The following RITA1 variants were observed in gnomAD, a reference collection of about 807,000 sequenced individuals.
RITA1 encodes RBPJ interacting and tubulin associated 1.
Under a neutral mutation model 8.7 loss-of-function variants are expected in RITA1, and 15 were observed. The ratio of observed to expected loss-of-function variants is 1.72; its 90% CI spans 1.15 to 2.65. The LOEUF is 2.65. Ranked by LOEUF, RITA1 falls within the 30% of genes most tolerant of loss-of-function variation. RITA1 has a pLI of 0.00. For missense variants in RITA1, 330 were observed against 363.8 expected (o/e 0.91, Z 0.76); for synonymous variants, 145 against 156.2 (o/e 0.93, Z 0.53).
chr12:113,191,349 G>C lies in RITA1; in HGVS notation c.342G>C (p.Leu114=), dbSNP rs1952598914. 6.4e-7 allele frequency: 1 copy of C among 1,571,746 alleles called. No individual in the cohort carries two copies. The highest frequency in any genetic ancestry group is 8.6e-7 in the Non-Finnish European group (1 of 1,157,592). The change falls in exon 4 of 4, where the codon CTG becomes CTC. Residue 114 remains leucine, a synonymous_variant. Coordinates refer to ENST00000548278, the MANE Select transcript of RITA1 (RefSeq NM_032848.3). This position sits in a 1 kb window ranked among gnomAD's most constrained non-coding sequence, Gnocchi z 4.0. ...SHTPSYCDES[L]FGSRSEGASF... is the part of the protein sequence containing the mutation. ...CCCCGTCTTACTGTGATGAGTCGCT[G>C]TTTGGCTCCCGATCTGAAGGCGCCA...
intron 2 of RITA1, 92 bp from the exon 3 acceptor site, chr12:113,186,591 T>C (rs753227387): frequency 2.8e-6 from 4 of 1,437,752 alleles, no homozygotes; most frequent in Non-Finnish European, 3.7e-6. Flanking sequence ...GAGAGAGAAC[T>C]AAACCCTTGG....
Position 113,188,893 on chromosome 12 carries a change from C to G in RITA1, c.302+1845C>G, listed in dbSNP as rs2136334640. 3.5e-5 allele frequency among the ~76,000 whole-genome samples: 5 copies of G among 141,900 alleles called. 1 individual carries two copies. The South Asian group carries it at 1.2e-3, about 33-fold the overall frequency. 93.1% of individuals were successfully genotyped at this position (141,900 alleles called of 152,430 possible). ...TGGCACCATCTCGGATCACTGCAGC[C>G]TCCACCTCCGGGTTCAAGGAATTCT... On this transcript the variant is annotated intron_variant, in intron 3 of 3. Coordinates refer to ENST00000548278, the MANE Select transcript of RITA1 (RefSeq NM_032848.3).
At position 113,191,861 on chromosome 12, in the gene RITA1, T is replaced by C. The variant is rs1211519808; in HGVS notation, c.*44T>C. 4 of 1,541,452 alleles carry C rather than the reference T, an allele frequency of 2.6e-6. No individual in the cohort carries two copies. The highest frequency in any genetic ancestry group is 3.5e-6 in the Non-Finnish European group (4 of 1,143,700). On this transcript the variant is annotated 3_prime_UTR_variant, in exon 4 of 4. Transcript: ENST00000548278. This position sits in a 1 kb window ranked among gnomAD's most constrained non-coding sequence, Gnocchi z 4.0. ...GCCTATGGGGCCACGGCGACAGGTATGGCCCCTTGCCAGGGTAGGAGGACA... is the reference window on the plus strand; with the variant it reads ...GCCTATGGGGCCACGGCGACAGGTACGGCCCCTTGCCAGGGTAGGAGGACA...
At chr12:113,190,896 C>T (rs1420440404) in intron 3 of RITA1, among the ~76,000 whole-genome samples, 1 of 152,198 alleles carries the variant, frequency 6.6e-6, no homozygotes, top group African/African-American at 2.4e-5. Flanking sequence ...ATCCTATCAG[C>T]TTAGCAAGAA....
In RITA1 at chr12:113,191,710, T is replaced by A; in HGVS notation, c.703T>A (p.Phe235Ile). The A allele has an allele frequency of 6.2e-7, 1 of 1,614,096 alleles. No homozygotes were observed. Among genetic ancestry groups the A allele is most frequent in the Non-Finnish European group, 8.5e-7 (1 of 1,180,018 alleles). ...CAGGCCTTCCACGTCAGGGGTGACCTTCCGGAGCCCCCTGGTGACTTCCAG... is the reference window on the plus strand; with the variant it reads ...CAGGCCTTCCACGTCAGGGGTGACCATCCGGAGCCCCCTGGTGACTTCCAG... ...DLRPSTSGVT[F>I]RSPLVTSRAR... Residue 235 changes from phenylalanine (F) to isoleucine (I), a missense_variant, in exon 4 of 4, where the codon TTC becomes ATC. Phe to Ile is a conservative substitution (Grantham distance 21). Coordinates refer to ENST00000548278, the MANE Select transcript of RITA1 (RefSeq NM_032848.3). The surrounding 1 kb of genome is among the most constrained non-coding windows in gnomAD (Gnocchi z 4.0).
In RITA1 at chr12:113,191,389, C is replaced by G; in HGVS notation, c.382C>G (p.Arg128Gly). 1 of 1,603,564 alleles carries G rather than the reference C, an allele frequency of 6.2e-7. No homozygotes were observed. The highest frequency in any genetic ancestry group is 8.5e-7 in the Non-Finnish European group (1 of 1,173,304). Reference sequence around the variant, plus strand: ...TGAAGGCGCCAGCTTCGGGGCCCCGCGGATGGCGAAGGGGGATGCCGCAAA... The same window carrying G: ...TGAAGGCGCCAGCTTCGGGGCCCCGGGGATGGCGAAGGGGGATGCCGCAAA... The part of the protein sequence containing the change: ...RSEGASFGAP[R>G]MAKGDAAKLR... The change falls in exon 4 of 4, where the codon CGG becomes GGG. Residue 128 changes from arginine (R) to glycine (G), a missense_variant. Physicochemically the swap from Arg to Gly is moderately radical, Grantham distance 125 (BLOSUM62 -2). Transcript: ENST00000548278. This position sits in a 1 kb window ranked among gnomAD's most constrained non-coding sequence, Gnocchi z 4.0.
rs1167700656 is a variant in RITA1, at chr12:113,185,850, C to T, written c.-368C>T. 2 of 919,698 alleles carry T rather than the reference C, an allele frequency of 2.2e-6. No homozygotes were observed. The highest frequency in any genetic ancestry group is 2.7e-5 in the East Asian group (1 of 37,344). 57.0% of individuals were successfully genotyped at this position (919,698 alleles called of 1,614,324 possible). The stretch of plus-strand genomic sequence containing the variant: ...TCCGTCCGCGCGCGGTGCCCCGGGA[C>T]GGCCTAGGCTGCCGGGGGTCCGGGG... On this transcript the variant is annotated 5_prime_UTR_variant, in exon 1 of 4. In the 5' UTR this introduces an upstream ATG that the reference lacks. Coordinates refer to ENST00000548278, the MANE Select transcript of RITA1 (RefSeq NM_032848.3).
chr12:113,186,840 T>C lies in RITA1; in HGVS notation c.94T>C (p.Ser32Pro), dbSNP rs1952543418. The C allele has an allele frequency of 6.2e-7, 1 of 1,613,936 alleles. No homozygotes were observed. The highest frequency in any genetic ancestry group is 8.5e-7 in the Non-Finnish European group (1 of 1,179,998). Residue 32 changes from serine (S) to proline (P), a missense_variant, in exon 3 of 4, where the codon TCA (serine) becomes CCA (proline). By Grantham distance (74) the Ser-to-Pro change is moderately conservative. Coordinates refer to ENST00000548278, the MANE Select transcript of RITA1 (RefSeq NM_032848.3). ...RGGYRVKART[S>P]YVDETLFGSP... ...TGGCTACCGGGTCAAGGCCAGGACG[T>C]CATATGTGGATGAGACTCTGTTTGG...
chr12:113,191,435 C>T lies in RITA1; in HGVS notation c.428C>T (p.Thr143Met), dbSNP rs150414529. ...GCAAAGCTCCGTGCTCTCTTGTGGA[C>T]GCCACCACCTACCCCCAGGGGTAGC... ...DAAKLRALLW[T>M]PPPTPRGSHS... The change falls in exon 4 of 4, where the codon ACG becomes ATG. Residue 143 changes from threonine to methionine, a missense_variant. Physicochemically the swap from Thr to Met is moderately conservative, Grantham distance 81. Transcript: ENST00000548278. This position sits in a 1 kb window ranked among gnomAD's most constrained non-coding sequence, Gnocchi z 4.0. 41 of 1,608,350 alleles carry T rather than the reference C, an allele frequency of 2.5e-5. No individual in the cohort carries two copies. Among genetic ancestry groups the T allele is most frequent in the Middle Eastern group, 1.6e-4 (1 of 6,066 alleles).
In RITA1 at chr12:113,187,058, T is replaced by G. The variant is rs774103588; in HGVS notation, c.302+10T>G. On this transcript the variant is annotated intron_variant, in intron 3 of 3. Transcript: ENST00000548278. Reference sequence around the variant, plus strand: ...AGAAGAACAAATACAGGTAATGGGGTAGGGAGATGCAAATCCTGTACTCAG... The same window carrying G: ...AGAAGAACAAATACAGGTAATGGGGGAGGGAGATGCAAATCCTGTACTCAG... 6.5e-6 allele frequency: 10 copies of G among 1,547,926 alleles called. No homozygotes were observed. The highest frequency in any genetic ancestry group is 8.7e-6 in the Non-Finnish European group (10 of 1,144,488).
At chr12:113,188,722 A>G (rs1952564757) in intron 3 of RITA1, among the ~76,000 whole-genome samples, 1 of 142,316 alleles carries the variant, frequency 7.0e-6, no homozygotes, top group African/African-American at 2.6e-5. Context: ...TCTTCCTCTC[A>G]TAAGGACACC....
At position 113,186,725 on chromosome 12, in the gene RITA1, G is replaced by T. The variant is rs1203613695; in HGVS notation, c.-22G>T. The T allele has an allele frequency of 6.2e-7, 1 of 1,609,146 alleles. No homozygotes were observed. The highest frequency in any genetic ancestry group is 8.5e-7 in the Non-Finnish European group (1 of 1,176,780). ...GCCTGGCCGGCAGAGCACACCTGCT[G>T]TCACCAGGGACCACAGGCAGCATGA... is the stretch of plus-strand genomic sequence containing the variant. On this transcript the variant is annotated 5_prime_UTR_variant, in exon 3 of 4. Transcript: ENST00000548278.
At chr12:113,186,637 T>C in intron 2 of RITA1, 46 bp from the exon 3 acceptor site, 3 of 1,499,202 alleles carry the variant, frequency 2.0e-6, no homozygotes, top group Non-Finnish European at 2.7e-6. Context: ...CTTCCTCCAT[T>C]AGCACTTCTG....
rs1000916684 is a variant in RITA1 at position 113,190,440 on chromosome 12, C to T, written c.303-870C>T. Among the ~76,000 whole-genome samples, 20 of 152,076 alleles carry T rather than the reference C, an allele frequency of 1.3e-4. 1 individual carries two copies. The highest frequency in any genetic ancestry group is 4.8e-4 in the African/African-American group (20 of 41,402). On this transcript the variant is annotated intron_variant, in intron 3 of 3. Coordinates refer to ENST00000548278, the MANE Select transcript of RITA1 (RefSeq NM_032848.3). ...GCAGGGGGCTGCTTGAGTTCAGGAA[C>T]TCAAGACCAGCCTGAGCAACATAAA...
intron 3 of RITA1, among the ~76,000 whole-genome samples, chr12:113,190,029 T>TAA (rs56327935): frequency 2.9e-4 from 21 of 71,274 alleles, no homozygotes; most frequent in African/African-American, 1.1e-3. Flanking sequence ...CCCTGTCTCT[T>TAA]AAAAAAAAAA....
In RITA1 at chr12:113,186,996, C is replaced by T; in HGVS notation, c.250C>T (p.Pro84Ser). 1 of 1,611,268 alleles carries T rather than the reference C, an allele frequency of 6.2e-7. No homozygotes were observed. Among genetic ancestry groups the T allele is most frequent in the Non-Finnish European group, 8.5e-7 (1 of 1,178,726 alleles). Reference sequence around the variant, plus strand: ...GGCAAAGGGGAGCTGTGAGACCACCCCCTCAAGGGGCAGCACCCCCACCCT... The same window carrying T: ...GGCAAAGGGGAGCTGTGAGACCACCTCCTCAAGGGGCAGCACCCCCACCCT... The part of the protein sequence containing the change: ...LGAKGSCETT[P>S]SRGSTPTLTP... The change falls in exon 3 of 4, where the codon CCC becomes TCC. Residue 84 changes from proline to serine, a missense_variant. Physicochemically the swap from Pro to Ser is moderately conservative, Grantham distance 74. Transcript: ENST00000548278.
intron 3 of RITA1, among the ~76,000 whole-genome samples, chr12:113,188,463 T>C (rs1952561141): frequency 6.6e-6 from 1 of 152,064 alleles, no homozygotes; most frequent in Non-Finnish European, 1.5e-5. Context: ...TGCCTTGGCC[T>C]CCCGAAGTGC....
rs1952542656 is a variant in RITA1, at chr12:113,186,812, A to G, written c.66A>G (p.Arg22=). ...MQTLGLQHRC[R]GGYRVKARTS... ...CCCTCGGCCTTCAGCACCGCTGCCG[A>G]GGTGGCTACCGGGTCAAGGCCAGGA... The change falls in exon 3 of 4, where the codon CGA becomes CGG. Residue 22 remains arginine (R), a synonymous_variant. Transcript: ENST00000548278. 6.2e-7 allele frequency: 1 copy of G among 1,613,880 alleles called. No homozygotes were observed. Among genetic ancestry groups the G allele is most frequent in the Admixed American group, 1.7e-5 (1 of 60,020 alleles).
rs757511141 is a variant in RITA1 at position 113,186,886 on chromosome 12, C to G, written c.140C>G (p.Pro47Arg). The change falls in exon 3 of 4, where the codon CCT becomes CGT. Residue 47 changes from proline to arginine, a missense_variant. Transcript: ENST00000548278. ...TLFGSPAGTR[P>R]TPPDFDPPWV... Reference sequence around the variant, plus strand: ...TTTGGCAGCCCAGCAGGCACCCGGCCTACCCCACCGGACTTCGATCCGCCC... The same window carrying G: ...TTTGGCAGCCCAGCAGGCACCCGGCGTACCCCACCGGACTTCGATCCGCCC... The G allele has an allele frequency of 1.2e-5, 20 of 1,614,104 alleles. No individual in the cohort carries two copies. The highest frequency in any genetic ancestry group is 8.0e-5 in the African/African-American group (6 of 75,042).
Sources: gnomAD v4.1 joint callset for allele counts (sites outside exome capture counted in the v4.1 genomes callset) on GRCh38, gnomAD v4.1.1 for gene constraint, Gnocchi (gnomAD v3.1) non-coding constraint, MANE v1.5 for transcripts, NCBI Gene and HGNC (gene_info 2026-07-23, HGNC 2026-07-21) for gene names.